MLIP: variants seen among roughly 807,000 people sequenced by gnomAD.
MLIP encodes muscular LMNA interacting protein.
Under a neutral mutation model 84.8 loss-of-function variants are expected in MLIP, and 79 were observed. The ratio of observed to expected loss-of-function variants is 0.93; its 90% CI spans 0.78 to 1.12. The LOEUF (loss-of-function observed/expected upper bound fraction) is 1.12. Ranked by LOEUF, MLIP falls within the 50% of genes most tolerant of loss-of-function variation. The pLI is 0.00. For missense variants in MLIP, 1,257 were observed against 1,160.6 expected (o/e 1.08, Z -1.21); for synonymous variants, 504 against 463.0 (o/e 1.09, Z -1.14).
At chr6:54,116,468 T>C (rs1450469080) in intron 1 of MLIP, among the ~76,000 whole-genome samples, 1 of 152,114 alleles carries the variant, frequency 6.6e-6, no homozygotes, top group African/African-American at 2.4e-5. Flanking sequence ...CTGTAAACAA[T>C]TATATACCAA....
chr6:54,233,229 G>A (rs1781126211), intron 12 of MLIP, among the ~76,000 whole-genome samples: 1 of 152,032 alleles, frequency 6.6e-6, no homozygotes, highest in African/African-American at 2.4e-5. Flanking sequence ...TGCAGAACAT[G>A]CCGGTTTGTT....
chr6:54,216,982 CTG>C, intron 11 of MLIP: 1 of 985,378 alleles, frequency 1.0e-6, no homozygotes, highest in Non-Finnish European at 1.2e-6. Context: ...TAAATTAAAA[CTG>C]TAGCAAAAAT....
chr6:54,136,617 T>G, intron 3 of MLIP, 98 bp from the exon 4 acceptor site: 1 of 1,190,880 alleles, frequency 8.4e-7, no homozygotes, highest in Non-Finnish European at 1.1e-6. Flanking sequence ...TGCCTCCTTT[T>G]GTGTAAATTG....
intron 9 of MLIP, among the ~76,000 whole-genome samples, chr6:54,188,480 CT>C (rs770326553): frequency 1.3e-5 from 2 of 151,678 alleles, no homozygotes; most frequent in Non-Finnish European, 2.9e-5. Context: ...ACTCTTTAAG[CT>C]TTTTTTGTTA....
Position 54,078,061 on chromosome 6 carries a change from T to A in MLIP, c.64-43386T>A, listed in dbSNP as rs1295436508. Among the ~76,000 whole-genome samples, 9 of 152,312 alleles carry A rather than the reference T, an allele frequency of 5.9e-5. No homozygotes were observed. In the East Asian group the frequency reaches 1.5e-3, roughly 26 times the overall value. ...TAGGTTGTATGCCCACAAGACTTAC[T>A]GTCATTTTGGTGGAAATGTTTCAAC... On this transcript the variant is annotated intron_variant, in intron 1 of 12. Coordinates refer to the MLIP transcript ENST00000274897.
At chr6:54,086,838 C>G (rs1321830946) in intron 1 of MLIP, among the ~76,000 whole-genome samples, 3 of 152,130 alleles carry the variant, frequency 2.0e-5, no homozygotes, top group African/African-American at 7.2e-5. Flanking sequence ...CTTAAATCTT[C>G]TTCTTAAAAG....
At chr6:54,225,886 C>A (rs1780543179) in intron 11 of MLIP, among the ~76,000 whole-genome samples, 1 of 152,102 alleles carries the variant, frequency 6.6e-6, no homozygotes, top group Non-Finnish European at 1.5e-5. Flanking sequence ...ATATAGTCTA[C>A]AAGTATGGGA....
chr6:54,055,462 T>C (rs1228990585), intron 1 of MLIP, among the ~76,000 whole-genome samples: 2 of 152,184 alleles, frequency 1.3e-5, no homozygotes, highest in Non-Finnish European at 1.5e-5. Context: ...TCATAAACTA[T>C]TTACCTAGTC....
At chr6:54,144,820 T>C (rs188776019) in intron 4 of MLIP, among the ~76,000 whole-genome samples, 158 of 152,280 alleles carry the variant, frequency 1.0e-3, no homozygotes, top group Non-Finnish European at 2.0e-3. Context: ...TCTTTATTAC[T>C]AGAGCCTGTG....
chr6:54,076,404 C>A (rs1582083796), intron 1 of MLIP, among the ~76,000 whole-genome samples: 2 of 152,334 alleles, frequency 1.3e-5, no homozygotes, highest in Non-Finnish European at 2.9e-5. Flanking sequence ...CACAGAGTCT[C>A]ATTTGGTATC....
In MLIP at chr6:54,251,203, A is replaced by G. The variant is rs532256123; in HGVS notation, c.2923-6105A>G. The stretch of plus-strand genomic sequence containing the variant: ...TATTTGAAACAAATTCATTTCATCA[A>G]TTTATACAAAGATATTGGCAATGAC... On this transcript the variant is annotated intron_variant, in intron 12 of 13. Coordinates refer to ENST00000502396, the MANE Select transcript of MLIP (RefSeq NM_001281747.2). Among the ~76,000 whole-genome samples, 30 of 151,890 alleles carry G rather than the reference A, an allele frequency of 2.0e-4. 1 individual carries two copies. The South Asian group carries it at 5.2e-3, about 26-fold the overall frequency.
chr6:54,051,996 A>G (rs1393678238), intron 1 of MLIP, among the ~76,000 whole-genome samples: 1 of 152,160 alleles, frequency 6.6e-6, no homozygotes, highest in Non-Finnish European at 1.5e-5. Context: ...AGAAGCTAAA[A>G]TGATGTAATC....
Position 54,227,337 on chromosome 6 carries a change from C to T in MLIP, c.2719-3377C>T, listed in dbSNP as rs571922973. On this transcript the variant is annotated intron_variant, in intron 11 of 13. Coordinates refer to ENST00000502396, the MANE Select transcript of MLIP (RefSeq NM_001281747.2). The stretch of plus-strand genomic sequence containing the variant: ...TACAGAGGACAAATTAACTAAACCT[C>T]TCAAGCTGATGAGCAAAAGGAAATG... 3.9e-5 allele frequency among the ~76,000 whole-genome samples: 6 copies of T among 152,082 alleles called. No homozygotes were observed. In the South Asian group the frequency reaches 1.2e-3, roughly 32 times the overall value.
At chr6:54,172,450 T>G (rs1158109687) in intron 9 of MLIP, among the ~76,000 whole-genome samples, 2 of 151,722 alleles carry the variant, frequency 1.3e-5, no homozygotes, top group East Asian at 3.9e-4. Flanking sequence ...TGCCAATTTC[T>G]GAAGCATGTA....
At chr6:54,051,263 T>C (rs1384706207) in intron 1 of MLIP, among the ~76,000 whole-genome samples, 1 of 151,928 alleles carries the variant, frequency 6.6e-6, no homozygotes, top group African/African-American at 2.4e-5. Flanking sequence ...TTTGTTTTGT[T>C]TATAATACAT....
At chr6:54,218,000 A>G in intron 11 of MLIP, 1 of 985,448 alleles carries the variant, frequency 1.0e-6, no homozygotes, top group Non-Finnish European at 1.2e-6. Context: ...GTTTTGAAGC[A>G]AATCTCAAAC....
At chr6:54,227,139 G>A (rs1780630833) in intron 11 of MLIP, among the ~76,000 whole-genome samples, 1 of 152,148 alleles carries the variant, frequency 6.6e-6, no homozygotes, top group Admixed American at 6.6e-5. Context: ...TCACTCTCCT[G>A]CTCCGCCATG....
intron 1 of MLIP, chr6:54,031,359 T>C (rs1764124940): frequency 6.6e-6 from 1 of 152,084 alleles, no homozygotes; most frequent in Admixed American, 6.6e-5. Flanking sequence ...AAGCCTTGAG[T>C]GCTTACATCC....
intron 1 of MLIP, among the ~76,000 whole-genome samples, chr6:54,034,154 G>A (rs190871007): frequency 6.6e-6 from 1 of 152,116 alleles, no homozygotes; most frequent in African/African-American, 2.4e-5. Flanking sequence ...GATTGCAAAC[G>A]AAAAACGAAC....
Sources: allele counts gnomAD v4.1 joint callset (sites outside exome capture counted in the v4.1 genomes callset), GRCh38; gene constraint gnomAD v4.1.1; transcripts MANE v1.5; gene names NCBI Gene and HGNC (gene_info 2026-07-23, HGNC 2026-07-21).